WDR72: variants seen among roughly 807,000 people sequenced by gnomAD.
The protein encoded by WDR72 is WD repeat domain 72, also known as WD repeat-containing protein 72.
A neutral mutation model predicts 124.2 loss-of-function variants in WDR72; 120 were observed. The observed-to-expected ratio is 0.97, with a 90% CI of 0.83 to 1.12. The LOEUF is 1.12. Among genes scored for constraint, WDR72 ranks in the 50% most tolerant of loss-of-function variants. The probability of loss-of-function intolerance (pLI) is 0.00; values close to 1 mark genes in which losing one functional copy is unlikely to be tolerated. For synonymous variants in WDR72, 452 were observed against 441.7 expected (o/e 1.02, Z -0.29); for missense variants, 1,387 against 1,278.8 (o/e 1.08, Z -1.29).
At chr15:53,755,753 G>T (rs2018885422) in intron 1 of WDR72, among the ~76,000 whole-genome samples, 1 of 152,212 alleles carries the variant, frequency 6.6e-6, no homozygotes, top group South Asian at 2.1e-4. Flanking sequence ...AAAGCAGGTA[G>T]AGAGCGCAGC....
At chr15:53,625,857 CAAA>C (rs1206785607) in intron 14 of WDR72, among the ~76,000 whole-genome samples, 1 of 151,486 alleles carries the variant, frequency 6.6e-6, no homozygotes, top group Non-Finnish European at 1.5e-5. Context: ...ATCTGAAGAA[CAAA>C]GAAGTGTACT....
chr15:53,724,935 T>C (rs901254737), intron 2 of WDR72, among the ~76,000 whole-genome samples: 1 of 152,102 alleles, frequency 6.6e-6, no homozygotes, highest in Non-Finnish European at 1.5e-5. Flanking sequence ...TTCTAAATTA[T>C]CTATATTACC....
chr15:53,560,806 A>C (rs1200159999), intron 18 of WDR72, among the ~76,000 whole-genome samples: 1 of 151,822 alleles, frequency 6.6e-6, no homozygotes, highest in Non-Finnish European at 1.5e-5. Context: ...ACCTTAAAAT[A>C]ACCACACTGC....
At chr15:53,733,466 G>T (rs762383220) in intron 1 of WDR72, among the ~76,000 whole-genome samples, 3 of 152,056 alleles carry the variant, frequency 2.0e-5, no homozygotes, top group Non-Finnish European at 4.4e-5. Flanking sequence ...CATCCAACTT[G>T]CTGCAAAGTC....
At chr15:53,526,199 G>A (rs1002372759) in intron 18 of WDR72, among the ~76,000 whole-genome samples, 1 of 152,028 alleles carries the variant, frequency 6.6e-6, no homozygotes, top group Non-Finnish European at 1.5e-5. Flanking sequence ...TGCTCTAATT[G>A]AAGTGTGATG....
rs75533551 is a variant in WDR72 at position 53,540,710 on chromosome 15, T to A, written c.3149-17388A>T. On this transcript the variant is annotated intron_variant, in intron 18 of 19. Transcript: ENST00000360509. Reference sequence around the variant, plus strand: ...GTGAGCGACGCAGAAGACGGGTGATTTCTGCACTTCCATCTGAGGTACCGG... The same window carrying A: ...GTGAGCGACGCAGAAGACGGGTGATATCTGCACTTCCATCTGAGGTACCGG... Among the ~76,000 whole-genome samples the A allele has an allele frequency of 7.1e-3, 1,074 of 152,210 alleles. 12 individuals carry two copies. The highest frequency in any genetic ancestry group is 0.025 in the African/African-American group (1,043 of 41,536).
intron 14 of WDR72, among the ~76,000 whole-genome samples, chr15:53,653,731 T>A (rs1043619666): frequency 1.2e-4 from 18 of 152,196 alleles, no homozygotes; most frequent in African/African-American, 4.3e-4. Context: ...TAAACAGTTA[T>A]GTGAGTTCAA....
chr15:53,754,496 ATCCCTC>A (rs1455431137), intron 1 of WDR72, among the ~76,000 whole-genome samples: 1 of 152,048 alleles, frequency 6.6e-6, no homozygotes, highest in East Asian at 1.9e-4. Context: ...GGCAAAGGGG[ATCCCTC>A]TTCTCTGCTT....
chr15:53,658,378 T>C (rs564984199), intron 14 of WDR72, among the ~76,000 whole-genome samples: 1 of 152,280 alleles, frequency 6.6e-6, no homozygotes, highest in Non-Finnish European at 1.5e-5. Flanking sequence ...CAATATCTAT[T>C]ACAGCCAGTC....
At position 53,517,417 on chromosome 15, in the gene WDR72, G is replaced by A; in HGVS notation, c.*282C>T. On this transcript the variant is annotated 3_prime_UTR_variant, in exon 20 of 20. Coordinates refer to ENST00000360509, the MANE Select transcript of WDR72 (RefSeq NM_182758.4). ...TTGTGTCTGTGGACTGGCATTCCCT[G>A]TTGGAAATATTAACAGAAAAAGTAA... The A allele has an allele frequency of 2.5e-6, 1 of 401,438 alleles. No homozygotes were observed. The highest frequency in any genetic ancestry group is 4.6e-6 in the Non-Finnish European group (1 of 215,308). 24.9% of individuals were successfully genotyped at this position (401,438 alleles called of 1,614,324 possible). A position where few individuals can be genotyped will look rare whatever the true frequency, so the allele number is the denominator to read the frequency against.
At chr15:53,591,602 G>T (rs893779017) in intron 18 of WDR72, among the ~76,000 whole-genome samples, 1 of 151,668 alleles carries the variant, frequency 6.6e-6, no homozygotes, top group Non-Finnish European at 1.5e-5. Context: ...TCAACATTAT[G>T]TCCATTATAA....
intron 13 of WDR72, among the ~76,000 whole-genome samples, chr15:53,673,405 T>A (rs540923020): frequency 6.6e-6 from 1 of 152,298 alleles, no homozygotes; most frequent in Non-Finnish European, 1.5e-5. Flanking sequence ...ATCACCCAGA[T>A]GGATTAACAC....
intron 1 of WDR72, among the ~76,000 whole-genome samples, chr15:53,737,290 C>T (rs1349874920): frequency 6.6e-6 from 1 of 152,074 alleles, no homozygotes; most frequent in Non-Finnish European, 1.5e-5. Context: ...TGAAGGACCT[C>T]CCACAGGCCA....
chr15:53,619,436 T>C (rs1171736848), intron 14 of WDR72, among the ~76,000 whole-genome samples: 8 of 152,058 alleles, frequency 5.3e-5, no homozygotes, highest in Non-Finnish European at 1.0e-4. Context: ...TTCAAAAGTT[T>C]TCATTCCTTG....
chr15:53,642,106 T>G (rs767947766), intron 14 of WDR72, among the ~76,000 whole-genome samples: 2 of 152,010 alleles, frequency 1.3e-5, no homozygotes, highest in Non-Finnish European at 2.9e-5. Context: ...AAATGGTTTT[T>G]CTAGGTCCAT....
chr15:53,613,305 A>G (rs568659830), intron 16 of WDR72, among the ~76,000 whole-genome samples: 8 of 152,284 alleles, frequency 5.3e-5, no homozygotes, highest in Non-Finnish European at 8.8e-5. Flanking sequence ...TACTTAACAT[A>G]TAAGTATTTC....
At chr15:53,753,269 T>C (rs146860400) in intron 1 of WDR72, among the ~76,000 whole-genome samples, 71 of 152,332 alleles carry the variant, frequency 4.7e-4, no homozygotes, top group African/African-American at 1.6e-3. Flanking sequence ...AAATGGCAGG[T>C]ACTCCCATAG....
In WDR72 at chr15:53,745,243, G is replaced by C. The variant is rs115784732; in HGVS notation, c.-12-12082C>G. ...TATCATTATTCCTTGTTCATAATCA[G>C]CACTCAGCATATGGAATGAATTGAC... On this transcript the variant is annotated intron_variant, in intron 1 of 19. Coordinates refer to ENST00000360509, the MANE Select transcript of WDR72 (RefSeq NM_182758.4). Among the ~76,000 whole-genome samples, 70 of 152,170 alleles carry C rather than the reference G, an allele frequency of 4.6e-4. 1 individual carries two copies. The highest frequency in any genetic ancestry group is 1.6e-3 in the African/African-American group (67 of 41,528).
At chr15:53,597,044 T>C (rs1408305277) in intron 18 of WDR72, 35 bp downstream of exon 18, 1 of 1,604,688 alleles carries the variant, frequency 6.2e-7, no homozygotes, top group African/African-American at 1.3e-5. Context: ...AGAAAAGTTC[T>C]GTTGAAAGAG....
Sources: allele counts gnomAD v4.1 joint callset (sites outside exome capture counted in the v4.1 genomes callset), GRCh38; gene constraint gnomAD v4.1.1; transcripts MANE v1.5; gene names NCBI Gene and HGNC (gene_info 2026-07-23, HGNC 2026-07-21).